Variants in SOS1 observed in about 807,000 individuals in gnomAD.
The protein encoded by SOS1 is son of sevenless homolog 1.
SOS1 carries 25 observed loss-of-function variants against 157.6 expected under a neutral mutation model. The ratio of observed to expected loss-of-function variants is 0.16; its 90% confidence interval spans 0.12 to 0.22. SOS1 has a LOEUF of 0.22. Ranked by LOEUF, SOS1 falls within the 10% of genes least tolerant of loss-of-function variation. The pLI, the probability that SOS1 is intolerant of heterozygous loss-of-function variation, is 1.00. For missense variants in SOS1, 1,237 were observed against 1,599.1 expected (o/e 0.77, Z 3.86); for synonymous variants, 528 against 534.0 (o/e 0.99, Z 0.16).
At chr2:39,038,462 G>A (rs531290355) in intron 6 of SOS1, among the ~76,000 whole-genome samples, 58 of 151,962 alleles carry the variant, frequency 3.8e-4, no homozygotes, top group African/African-American at 1.3e-3. Flanking sequence ...TTGGCTGGGC[G>A]CGGTGGCTCA....
chr2:38,986,233 A>G lies in SOS1; in HGVS notation c.3593T>C (p.Ile1198Thr), dbSNP rs1668556929. The G allele has an allele frequency of 6.2e-7, 1 of 1,613,918 alleles. No individual in the cohort carries two copies. Among genetic ancestry groups the G allele is most frequent in the Non-Finnish European group, 8.5e-7 (1 of 1,179,896 alleles). Residue 1198 changes from isoleucine (I) to threonine (T), a missense_variant, in exon 23 of 23, where the codon ATA becomes ACA. This residue lies in a region of SOS1 where 306 missense variants were observed against 322.6 expected (regional missense o/e 0.95). Transcript: ENST00000402219. ...TSKAYSPRYSISDRTSISDPP... is the reference protein window; with the variant it reads ...TSKAYSPRYSTSDRTSISDPP... ...GTCTGAGATAGAGGTCCGGTCTGAT[A>G]TTGAATATCGTGGTGAATAGGCTTT...
chr2:38,981,558 A>AT lies in SOS1; in HGVS notation c.*4265dup, dbSNP rs1668399821. On this transcript the variant is annotated 3_prime_UTR_variant, in exon 23 of 23. Transcript: ENST00000402219. Reference sequence around the variant, plus strand: ...TGCAAAAATAATACACTTGTGGGCTATGTAAGGCATTTTTCTTTATTATTT... The same window carrying AT: ...TGCAAAAATAATACACTTGTGGGCTATTGTAAGGCATTTTTCTTTATTATTT... The AT allele has an allele frequency of 6.6e-6, 1 of 152,168 alleles. No homozygotes were observed. Among genetic ancestry groups the AT allele is most frequent in the Non-Finnish European group, 1.5e-5 (1 of 68,014 alleles). 9.4% of individuals were successfully genotyped at this position (152,168 alleles called of 1,614,324 possible). A position where few individuals can be genotyped will look rare whatever the true frequency, so the allele number is the denominator to read the frequency against.
At chr2:39,070,895 C>T (rs1447811665) in intron 1 of SOS1, among the ~76,000 whole-genome samples, 1 of 152,132 alleles carries the variant, frequency 6.6e-6, no homozygotes, top group Non-Finnish European at 1.5e-5. Context: ...TGGAGTCTCG[C>T]TCTGTCACTC....
chr2:39,114,443 A>G lies in SOS1; in HGVS notation c.87+5893T>C, dbSNP rs183582980. 3.4e-4 allele frequency among the ~76,000 whole-genome samples: 51 copies of G among 152,190 alleles called. No individual in the cohort carries two copies. The East Asian group carries it at 9.6e-3, about 29-fold the overall frequency. On this transcript the variant is annotated intron_variant, in intron 1 of 22. Transcript: ENST00000402219. ...CTCAGCCTCCTGAGTAGCTAGGATT[A>G]CAGGCATGCGCCACCACGCCCAGCT...
chr2:39,116,066 A>G (rs530285073), intron 1 of SOS1, among the ~76,000 whole-genome samples: 1 of 152,220 alleles, frequency 6.6e-6, no homozygotes, highest in Non-Finnish European at 1.5e-5. Context: ...ATTCATGTAT[A>G]AGTCTTTGTA....
At chr2:39,086,018 G>A (rs1474788866) in intron 1 of SOS1, among the ~76,000 whole-genome samples, 2 of 152,168 alleles carry the variant, frequency 1.3e-5, no homozygotes, top group African/African-American at 4.8e-5. Context: ...TCAATTACCA[G>A]AGTGTAACCC....
chr2:39,060,459 C>T (rs1011054816), intron 2 of SOS1, among the ~76,000 whole-genome samples: 3 of 152,206 alleles, frequency 2.0e-5, no homozygotes, highest in African/African-American at 7.2e-5. Flanking sequence ...CAGAGTCTTG[C>T]TCTGTTGCGC....
chr2:39,007,169 T>A lies in SOS1; in HGVS notation c.2535A>T (p.Leu845Phe). The A allele has an allele frequency of 2.5e-6, 4 of 1,604,718 alleles. No homozygotes were observed. Among genetic ancestry groups the A allele is most frequent in the Non-Finnish European group, 3.4e-6 (4 of 1,171,614 alleles). The change falls in exon 16 of 23, where the codon TTA (leucine) becomes TTT (phenylalanine). Residue 845 changes from leucine to phenylalanine, a missense_variant. By Grantham distance (22) the Leu-to-Phe change is conservative (BLOSUM62 0). This residue lies in a region of SOS1 where 105 missense variants were observed against 236.0 expected (regional missense o/e 0.44). Transcript: ENST00000402219. ...GACTCACCACAGCTACTCTTTCTTC[T>A]AAATTTTCAGTTTCTACAATACATC... Reference protein sequence around the residue: ...FEKCIVETENLEERVAVVSRI... With the variant: ...FEKCIVETENFEERVAVVSRI...
At chr2:39,091,233 T>G (rs897525001) in intron 1 of SOS1, among the ~76,000 whole-genome samples, 6 of 152,278 alleles carry the variant, frequency 3.9e-5, no homozygotes, top group African/African-American at 1.4e-4. Flanking sequence ...GGAATGTCCT[T>G]TGTGCAGTGA....
intron 17 of SOS1, among the ~76,000 whole-genome samples, chr2:39,006,146 GC>G (rs1669276343): frequency 6.6e-6 from 1 of 151,974 alleles, no homozygotes; most frequent in South Asian, 2.1e-4. Context: ...TTATTAAAAT[GC>G]AATTAAAAAG....
At chr2:39,090,505 G>A (rs1033897715) in intron 1 of SOS1, among the ~76,000 whole-genome samples, 4 of 151,990 alleles carry the variant, frequency 2.6e-5, no homozygotes, top group African/African-American at 9.7e-5. Flanking sequence ...AGACTGGCCT[G>A]GCCAACATGG....
At chr2:39,097,588 C>T (rs1672817957) in intron 1 of SOS1, among the ~76,000 whole-genome samples, 1 of 150,922 alleles carries the variant, frequency 6.6e-6, no homozygotes, top group Non-Finnish European at 1.5e-5. Flanking sequence ...GATGGGGTCT[C>T]GCTCTGTCAC....
chr2:39,075,964 T>G (rs1050516762), intron 1 of SOS1, among the ~76,000 whole-genome samples: 5 of 152,198 alleles, frequency 3.3e-5, no homozygotes, highest in African/African-American at 1.2e-4. Context: ...GTTTAAAATC[T>G]TCCCACAAAG....
chr2:39,116,439 G>A (rs56065106), intron 1 of SOS1, among the ~76,000 whole-genome samples: 2,427 of 152,252 alleles, frequency 0.016, 74 homozygotes, highest in African/African-American at 0.056. Context: ...GTTCAAATGT[G>A]TATTATCTCT....
At chr2:39,099,196 C>A in intron 1 of SOS1, among the ~76,000 whole-genome samples, 1 of 152,072 alleles carries the variant, frequency 6.6e-6, no homozygotes, top group East Asian at 1.9e-4. Flanking sequence ...TAGAAACAAC[C>A]CAAATGTTCA....
chr2:38,995,495 TC>T, intron 19 of SOS1, 108 bp from the exon 20 acceptor site: 1 of 827,168 alleles, frequency 1.2e-6, no homozygotes, highest in Non-Finnish European at 2.1e-6. Context: ...AAATCATAAA[TC>T]ACTAATAAGG....
At chr2:39,121,170 G>T (rs570433825), upstream of SOS1, 37 of 153,110 alleles carry the variant, frequency 2.4e-4, 1 homozygote, top group South Asian at 7.1e-3. Flanking sequence ...GCCGGGCTGT[G>T]GCTGCGCTCC....
At chr2:39,060,509 C>T (rs1671364298) in intron 2 of SOS1, among the ~76,000 whole-genome samples, 4 of 152,178 alleles carry the variant, frequency 2.6e-5, no homozygotes, top group African/African-American at 9.7e-5. Flanking sequence ...TCACTGCGAC[C>T]ACCACTCTCA....
At chr2:39,024,712 AT>A (rs1240685930) in intron 8 of SOS1, among the ~76,000 whole-genome samples, 1 of 152,216 alleles carries the variant, frequency 6.6e-6, no homozygotes, top group Non-Finnish European at 1.5e-5. Context: ...AATAAGGCTT[AT>A]AAAAAGCCTA....
Sources: gnomAD v4.1 joint callset for allele counts (sites outside exome capture counted in the v4.1 genomes callset) on GRCh38, gnomAD v4.1.1 for gene constraint, gnomAD v4.1.1 regional missense constraint, MANE v1.5 for transcripts, NCBI Gene and HGNC (gene_info 2026-07-23, HGNC 2026-07-21) for gene names.